The following BRD4 variants were observed in gnomAD, a reference collection of about 807,000 sequenced individuals.
The protein encoded by BRD4 is bromodomain-containing protein 4.
In BRD4, 16 loss-of-function variants were observed where a neutral mutation model predicts 142.1. The ratio of observed to expected loss-of-function variants is 0.11; its 90% CI spans 0.08 to 0.17. The LOEUF is 0.17. Ranked by LOEUF, BRD4 falls within the 10% of genes least tolerant of loss-of-function variation. The pLI, the probability that BRD4 is intolerant of heterozygous loss-of-function variation, is 1.00. For synonymous variants in BRD4, 833 were observed against 707.5 expected (o/e 1.18, Z -2.82); for missense variants, 1,424 against 1,810.9 (o/e 0.79, Z 3.88).
chr19:15,243,507 A>G lies in BRD4; in HGVS notation c.2582-20T>C, dbSNP rs1424795189. On this transcript the variant is annotated intron_variant, in intron 13 of 19. Transcript: ENST00000679869. ...GCAAAGCTGGAAGAACACAACACCG[A>G]GGCGGTGAGGCCTGAGCACCTGTGG... 2 of 1,537,838 alleles carry G rather than the reference A, an allele frequency of 1.3e-6. No homozygotes were observed. Among genetic ancestry groups the G allele is most frequent in the Non-Finnish European group, 1.7e-6 (2 of 1,145,792 alleles).
chr19:15,308,974 C>T (rs1360661356), intron 1 of BRD4, among the ~76,000 whole-genome samples: 1 of 151,460 alleles, frequency 6.6e-6, no homozygotes, highest in East Asian at 1.9e-4. Context: ...AAGATTGCAC[C>T]ACTGCACTCC....
Position 15,244,614 on chromosome 19 carries a change from G to A in BRD4, c.2212-14C>T. 1 of 1,611,040 alleles carries A rather than the reference G, an allele frequency of 6.2e-7. No homozygotes were observed. The highest frequency in any genetic ancestry group is 1.3e-5 in the African/African-American group (1 of 74,964). ...GTGATGATGGTGCTGCAGACAGAGA[G>A]ACAGACAGACAGACAGGCTGATGTC... On this transcript the variant is annotated splice_polypyrimidine_tract_variant and intron_variant, in intron 12 of 19. Transcript: ENST00000679869.
intron 1 of BRD4, among the ~76,000 whole-genome samples, chr19:15,331,529 G>A (rs865869265): frequency 1.1e-3 from 169 of 152,318 alleles, no homozygotes; most frequent in African/African-American, 3.8e-3. Context: ...GAGTGGGTGC[G>A]TCAAGCGGGC....
chr19:15,270,810 T>C (rs2047579126), intron 2 of BRD4, among the ~76,000 whole-genome samples: 1 of 152,102 alleles, frequency 6.6e-6, no homozygotes, highest in Admixed American at 6.5e-5. Context: ...TGATCAAGCA[T>C]CCCCTTTGGC....
chr19:15,319,199 G>A (rs755012279), intron 1 of BRD4, among the ~76,000 whole-genome samples: 7 of 152,052 alleles, frequency 4.6e-5, no homozygotes, highest in Non-Finnish European at 1.0e-4. Context: ...GCTGGGAGCG[G>A]TGCCTCACAC....
intron 1 of BRD4, among the ~76,000 whole-genome samples, chr19:15,300,227 G>C (rs1449576001): frequency 2.0e-5 from 3 of 152,116 alleles, no homozygotes; most frequent in Non-Finnish European, 2.9e-5. Context: ...CTGGGCGACA[G>C]AGCAAGACCC....
At position 15,237,186 on chromosome 19, in the gene BRD4, A is replaced by C. The variant is rs1484419157; in HGVS notation, c.*1191T>G. ...AAACAAAAACAAAAACAAAAACCAA[A>C]ACCAAAAAAACCAACTCAACAGATC... On this transcript the variant is annotated 3_prime_UTR_variant, in exon 20 of 20. Transcript: ENST00000679869. 1 of 184,976 alleles carries C rather than the reference A, an allele frequency of 5.4e-6. No individual in the cohort carries two copies. Among genetic ancestry groups the C allele is most frequent in the Admixed American group, 6.5e-5 (1 of 15,312 alleles). 11.5% of individuals were successfully genotyped at this position (184,976 alleles called of 1,614,324 possible). A position where few individuals can be genotyped will look rare whatever the true frequency, so the allele number is the denominator to read the frequency against.
At chr19:15,246,758 G>C (rs1469183784) in intron 11 of BRD4, 1 of 152,648 alleles carries the variant, frequency 6.6e-6, no homozygotes, top group Non-Finnish European at 1.5e-5. Context: ...CCTTGGAAAG[G>C]CCACAGGGAA....
chr19:15,244,186 G>C, intron 13 of BRD4, 45 bp downstream of exon 13: 9 of 1,537,260 alleles, frequency 5.9e-6, no homozygotes, highest in Admixed American at 2.0e-5. Context: ...GGTAAACCGA[G>C]GCAGGAAGGG....
intron 1 of BRD4, among the ~76,000 whole-genome samples, chr19:15,308,115 C>CAAAAAAAAAAAAAAAA (rs57642262): frequency 1.1e-3 from 23 of 21,184 alleles, no homozygotes; most frequent in African/African-American, 6.1e-3. Context: ...GACTCCGTCT[C>CAAAAAAAAAAAAAAAA]AAAAAAAAAA....
intron 1 of BRD4, among the ~76,000 whole-genome samples, chr19:15,305,023 CTTTTTTTTT>C (rs34235278): frequency 1.6e-5 from 2 of 126,416 alleles, no homozygotes; most frequent in African/African-American, 6.3e-5. Context: ...TTAAGACCAT[CTTTTTTTTT>C]TTTTTTTTTT....
chr19:15,242,871 C>A, intron 14 of BRD4, 29 bp downstream of exon 14: 1 of 1,589,970 alleles, frequency 6.3e-7, no homozygotes, highest in Non-Finnish European at 8.6e-7. Context: ...CACCAGCCTC[C>A]CCAGAGTCTA....
intron 1 of BRD4, among the ~76,000 whole-genome samples, chr19:15,318,150 A>C (rs915319078): frequency 2.0e-5 from 3 of 152,238 alleles, no homozygotes; most frequent in Non-Finnish European, 4.4e-5. Context: ...CTTAAGTTAC[A>C]AAAATCATGC....
At chr19:15,326,437 G>A (rs1032030882) in intron 1 of BRD4, among the ~76,000 whole-genome samples, 1 of 151,928 alleles carries the variant, frequency 6.6e-6, no homozygotes, top group Non-Finnish European at 1.5e-5. Flanking sequence ...GGGTGACAGA[G>A]CAAAGACTTC....
At chr19:15,253,998 G>T in intron 11 of BRD4, 154 bp downstream of exon 11, 1 of 730,360 alleles carries the variant, frequency 1.4e-6, no homozygotes, top group South Asian at 1.7e-5. Flanking sequence ...ATGGCCCCAG[G>T]GAGACAGTTA....
intron 7 of BRD4, among the ~76,000 whole-genome samples, chr19:15,257,602 C>T (rs1199655710): frequency 2.0e-5 from 3 of 152,058 alleles, no homozygotes; most frequent in Non-Finnish European, 2.9e-5. Flanking sequence ...GAGGGCATTC[C>T]AGGCAGAGGA....
chr19:15,312,367 C>T (rs2047978838), intron 1 of BRD4, among the ~76,000 whole-genome samples: 1 of 152,042 alleles, frequency 6.6e-6, no homozygotes, highest in African/African-American at 2.4e-5. Context: ...GGTGCGGTGG[C>T]TCACACCTGT....
intron 1 of BRD4, among the ~76,000 whole-genome samples, chr19:15,286,756 GT>G (rs2047743234): frequency 6.6e-6 from 1 of 152,130 alleles, no homozygotes; most frequent in Non-Finnish European, 1.5e-5. Context: ...ATATCTGGAT[GT>G]TTTTCACTAA....
chr19:15,277,975 G>C (rs1162518765), intron 1 of BRD4, among the ~76,000 whole-genome samples: 1 of 150,886 alleles, frequency 6.6e-6, no homozygotes, highest in Admixed American at 6.6e-5. Context: ...GCATGGCAGC[G>C]GGCGCCTGTA....
Sources: gnomAD v4.1 joint callset for allele counts (sites outside exome capture counted in the v4.1 genomes callset) on GRCh38, gnomAD v4.1.1 for gene constraint, MANE v1.5 for transcripts, NCBI Gene and HGNC (gene_info 2026-07-23, HGNC 2026-07-21) for gene names.